Variants in RBFOX1 observed in about 807,000 individuals in gnomAD.
The protein encoded by RBFOX1 is RNA binding fox-1 homolog 1.
Under a neutral mutation model 57.7 loss-of-function variants are expected in RBFOX1, and 8 were observed. That is an observed-to-expected ratio of 0.14 (90% confidence interval 0.08 to 0.25). The LOEUF (loss-of-function observed/expected upper bound fraction) is 0.25, where lower values mean the gene tolerates loss of function less well. Among genes scored for constraint, RBFOX1 ranks in the 10% least tolerant of loss-of-function variants. The probability of loss-of-function intolerance (pLI) is 1.00; values close to 1 mark genes in which losing one functional copy is unlikely to be tolerated. For synonymous variants in RBFOX1, 326 were observed against 222.4 expected (o/e 1.47, Z -4.15); for missense variants, 611 against 548.5 (o/e 1.11, Z -1.14).
In RBFOX1 at chr16:7,652,471, C is replaced by T. The variant is rs374914452; in HGVS notation, c.758-1344C>T. Reference sequence around the variant, plus strand: ...CACTCAGGCTGGAATGCAGTGGTGCCATCTCGACTCACTGCAACCTCCACC... The same window carrying T: ...CACTCAGGCTGGAATGCAGTGGTGCTATCTCGACTCACTGCAACCTCCACC... On this transcript the variant is annotated intron_variant, in intron 11 of 15. Transcript: ENST00000550418. Among the ~76,000 whole-genome samples, 5 of 152,282 alleles carry T rather than the reference C, an allele frequency of 3.3e-5. 1 individual carries two copies. Among genetic ancestry groups the T allele is most frequent in the East Asian group, 1.9e-4 (1 of 5,168 alleles).
intron 4 of RBFOX1, among the ~76,000 whole-genome samples, chr16:7,495,248 C>G (rs769782754): frequency 2.6e-5 from 4 of 152,190 alleles, no homozygotes; most frequent in Non-Finnish European, 4.4e-5. Flanking sequence ...TTCCATGTCT[C>G]TGCTGTTGTG....
intron 2 of RBFOX1, among the ~76,000 whole-genome samples, chr16:6,448,216 G>A (rs1391538293): frequency 4.0e-5 from 5 of 125,642 alleles, no homozygotes; most frequent in Non-Finnish European, 7.8e-5. Flanking sequence ...CTGGAATGGA[G>A]TGGCGTGATT....
chr16:6,340,774 C>T (rs1328207767), intron 2 of RBFOX1, among the ~76,000 whole-genome samples: 3 of 152,090 alleles, frequency 2.0e-5, no homozygotes. Flanking sequence ...GAATTCCTTA[C>T]TATCTGGGAA....
intron 3 of RBFOX1, among the ~76,000 whole-genome samples, chr16:5,786,552 G>A (rs549489765): frequency 6.6e-6 from 1 of 152,244 alleles, no homozygotes; most frequent in African/African-American, 2.4e-5. Context: ...CCCCAGTGTG[G>A]GGAACAGAGC....
chr16:6,959,193 G>A (rs78769086), intron 3 of RBFOX1, among the ~76,000 whole-genome samples: 6,328 of 152,090 alleles, frequency 0.042, 173 homozygotes, highest in East Asian at 0.084. Context: ...TGAAATACTC[G>A]CTCGATTTCA....
chr16:6,781,683 C>G lies in RBFOX1; in HGVS notation c.-16+127033C>G, dbSNP rs150360637. 9.5e-3 allele frequency among the ~76,000 whole-genome samples: 1,448 copies of G among 152,166 alleles called. 27 individuals carry two copies. The highest frequency in any genetic ancestry group is 0.033 in the African/African-American group (1,370 of 41,514). On this transcript the variant is annotated intron_variant, in intron 3 of 15. Coordinates refer to ENST00000550418, the MANE Select transcript of RBFOX1 (RefSeq NM_018723.4). ...TTTATGTCCAGGAATTTATCCATTT[C>G]TTCCAGATTTTCCAAATCGTTGGCC...
intron 2 of RBFOX1, among the ~76,000 whole-genome samples, chr16:5,553,882 T>C (rs979115616): frequency 6.6e-6 from 1 of 151,992 alleles, no homozygotes; most frequent in African/African-American, 2.4e-5. Context: ...TATGTCTGGG[T>C]ACCCTGTGGA....
At chr16:6,416,989 A>T (rs1481337710) in intron 2 of RBFOX1, among the ~76,000 whole-genome samples, 1 of 151,964 alleles carries the variant, frequency 6.6e-6, no homozygotes, top group Non-Finnish European at 1.5e-5. Context: ...CTTACCTTAA[A>T]TTTGTGCAGA....
intron 3 of RBFOX1, among the ~76,000 whole-genome samples, chr16:6,839,843 T>C (rs1886479237): frequency 6.6e-6 from 1 of 152,330 alleles, no homozygotes; most frequent in Non-Finnish European, 1.5e-5. Flanking sequence ...ATCATACCTC[T>C]GTTCTTACGT....
chr16:5,793,292 C>A (rs2054766337), intron 3 of RBFOX1, among the ~76,000 whole-genome samples: 1 of 152,238 alleles, frequency 6.6e-6, no homozygotes, highest in Admixed American at 6.5e-5. Context: ...CCCTGGCCCG[C>A]CTCCGAAACT....
At chr16:6,220,758 G>T (rs770207251) in intron 1 of RBFOX1, among the ~76,000 whole-genome samples, 1 of 150,036 alleles carries the variant, frequency 6.7e-6, no homozygotes, top group African/African-American at 2.4e-5. Context: ...GAAAACAAAA[G>T]CATTCATCAC....
At chr16:5,731,560 C>T (rs1340119260) in intron 3 of RBFOX1, among the ~76,000 whole-genome samples, 2 of 152,146 alleles carry the variant, frequency 1.3e-5, no homozygotes, top group East Asian at 1.9e-4. Flanking sequence ...GGTAGAGGGG[C>T]TCTCTTGCTT....
intron 1 of RBFOX1, among the ~76,000 whole-genome samples, chr16:6,282,014 C>G (rs1203625993): frequency 3.3e-5 from 5 of 152,118 alleles, no homozygotes; most frequent in African/African-American, 1.2e-4. Context: ...AAATGTACCA[C>G]TCTATAGAGT....
chr16:5,736,524 T>A (rs925043442), intron 3 of RBFOX1, among the ~76,000 whole-genome samples: 2 of 152,220 alleles, frequency 1.3e-5, no homozygotes, highest in African/African-American at 4.8e-5. Flanking sequence ...CTCGCCACCC[T>A]GTTTCCTGGA....
At chr16:6,524,736 C>G (rs1007805612) in intron 2 of RBFOX1, among the ~76,000 whole-genome samples, 1 of 152,170 alleles carries the variant, frequency 6.6e-6, no homozygotes, top group Non-Finnish European at 1.5e-5. Flanking sequence ...ACCTACCTGG[C>G]TTGTCCACAG....
intron 1 of RBFOX1, among the ~76,000 whole-genome samples, chr16:5,391,016 G>C (rs528712054): frequency 6.6e-6 from 1 of 152,182 alleles, no homozygotes; most frequent in Non-Finnish European, 1.5e-5. Flanking sequence ...CTTGTGAGAA[G>C]CTCAACCAAC....
chr16:6,300,735 G>A (rs1382245572), intron 1 of RBFOX1, among the ~76,000 whole-genome samples: 1 of 152,140 alleles, frequency 6.6e-6, no homozygotes, highest in East Asian at 1.9e-4. Flanking sequence ...AAGTGACAGT[G>A]TTTTCAATCC....
At chr16:6,020,454 C>G (rs956906581) in intron 1 of RBFOX1, among the ~76,000 whole-genome samples, 6 of 152,082 alleles carry the variant, frequency 3.9e-5, no homozygotes. Context: ...TTAGGTGCCC[C>G]GAACCCCTTG....
chr16:5,820,020 G>T (rs1052518525), intron 3 of RBFOX1, among the ~76,000 whole-genome samples: 7 of 152,218 alleles, frequency 4.6e-5, no homozygotes, highest in Non-Finnish European at 5.9e-5. Context: ...GCAGGGAGGG[G>T]TGATGTCTTT....
Sources: gnomAD v4.1 joint callset for allele counts (sites outside exome capture counted in the v4.1 genomes callset) on GRCh38, gnomAD v4.1.1 for gene constraint, MANE v1.5 for transcripts, NCBI Gene and HGNC (gene_info 2026-07-23, HGNC 2026-07-21) for gene names.